TFAP2E: variants seen among roughly 807,000 people sequenced by gnomAD.
TFAP2E encodes transcription factor AP-2-epsilon.
Under a neutral mutation model 37.9 loss-of-function variants are expected in TFAP2E, and 30 were observed. The ratio of observed to expected loss-of-function variants is 0.79; its 90% confidence interval spans 0.59 to 1.07. The LOEUF (loss-of-function observed/expected upper bound fraction) is 1.07. Among genes scored for constraint, TFAP2E ranks in the 50% least tolerant of loss-of-function variants. The probability of loss-of-function intolerance (pLI) is 0.00; values close to 1 mark genes in which losing one functional copy is unlikely to be tolerated. For synonymous variants in TFAP2E, 318 were observed against 295.8 expected (o/e 1.08, Z -0.77); for missense variants, 567 against 637.9 (o/e 0.89, Z 1.20).
intron 6 of TFAP2E, among the ~76,000 whole-genome samples, chr1:35,592,713 C>T (rs1395702089): frequency 6.6e-6 from 1 of 152,180 alleles, no homozygotes; most frequent in Non-Finnish European, 1.5e-5. Flanking sequence ...ATTTATTTCT[C>T]ATAGTGCTGG....
intron 3 of TFAP2E, among the ~76,000 whole-genome samples, chr1:35,580,691 C>G (rs566175971): frequency 2.0e-5 from 3 of 151,956 alleles, no homozygotes; most frequent in Non-Finnish European, 2.9e-5. Flanking sequence ...AGGAGAATGG[C>G]GTGAACCCGG....
chr1:35,574,222 G>A lies in TFAP2E; in HGVS notation c.323G>A (p.Arg108His). 2 of 1,241,206 alleles carry A rather than the reference G, an allele frequency of 1.6e-6. No individual in the cohort carries two copies. The highest frequency in any genetic ancestry group is 2.0e-5 in the South Asian group (1 of 50,636). 76.9% of individuals were successfully genotyped at this position (1,241,206 alleles called of 1,614,324 possible). A position where few individuals can be genotyped will look rare whatever the true frequency, so the allele number is the denominator to read the frequency against. Residue 108 changes from arginine to histidine, a missense_variant, in exon 2 of 7, where the codon CGC becomes CAC. Around this residue, in one of 3 missense-constraint regions of TFAP2E, gnomAD observed 312 missense variants for 317.4 expected, o/e 0.98. Transcript: ENST00000373235. ...AAWAAPRAAA[R>H]AHEEPPGLLA... ...TGGGCCGCGCCCCGCGCAGCCGCCC[G>A]CGCCCACGAGGAGCCTCCCGGCCTG...
At position 35,595,088 on chromosome 1, in the gene TFAP2E, G is replaced by A. The variant is rs552766867; in HGVS notation, c.*412G>A. 4.2e-6 allele frequency: 1 copy of A among 237,554 alleles called. No individual in the cohort carries two copies. The highest frequency in any genetic ancestry group is 1.5e-4 in the East Asian group (1 of 6,822). The allele number at this position is 237,554 out of a possible 1,614,324, so 14.7% of individuals were successfully genotyped here. ...TTGATAAATCAGAGGTGCTACTGAG[G>A]AGTTGGTGCCCCTCATTCCAGAATC... On this transcript the variant is annotated 3_prime_UTR_variant, in exon 7 of 7. Transcript: ENST00000373235.
At chr1:35,587,562 C>T (rs566383329) in intron 3 of TFAP2E, among the ~76,000 whole-genome samples, 7 of 140,430 alleles carry the variant, frequency 5.0e-5, no homozygotes, top group African/African-American at 1.9e-4. Context: ...CGCTTGAACC[C>T]GGGAGGCAGA....
rs771907283 is a variant in TFAP2E, at chr1:35,592,476, C to CA, written c.1046+1703dup. On this transcript the variant is annotated intron_variant, in intron 6 of 6. Coordinates refer to ENST00000373235, the MANE Select transcript of TFAP2E (RefSeq NM_178548.4). Reference sequence around the variant, plus strand: ...GCAGTGGTGCAATCTCAGTGCACTGCAACCTCCAGCTCCTGGGTTCAAGCA... The same window carrying CA: ...GCAGTGGTGCAATCTCAGTGCACTGCAAACCTCCAGCTCCTGGGTTCAAGCA... Among the ~76,000 whole-genome samples, 76 of 152,256 alleles carry CA rather than the reference C, an allele frequency of 5.0e-4. 1 individual carries two copies. The highest frequency in any genetic ancestry group is 8.7e-4 in the Non-Finnish European group (59 of 68,022).
intron 3 of TFAP2E, among the ~76,000 whole-genome samples, chr1:35,587,901 G>A (rs1649530706): frequency 6.6e-6 from 1 of 152,122 alleles, no homozygotes; most frequent in South Asian, 2.1e-4. Context: ...GGTGAGGTGG[G>A]GTGGGAGGGC....
chr1:35,574,194 G>C lies in TFAP2E; in HGVS notation c.295G>C (p.Ala99Pro). Reference protein sequence around the residue: ...PLAQPQPPQAAWAAPRAAARA... With the variant: ...PLAQPQPPQAPWAAPRAAARA... Reference sequence around the variant, plus strand: ...GGCGCAGCCGCAGCCTCCTCAGGCCGCCTGGGCCGCGCCCCGCGCAGCCGC... The same window carrying C: ...GGCGCAGCCGCAGCCTCCTCAGGCCCCCTGGGCCGCGCCCCGCGCAGCCGC... The change falls in exon 2 of 7, where the codon GCC becomes CCC. Residue 99 changes from alanine (A) to proline (P), a missense_variant. By Grantham distance (27) the Ala-to-Pro change is conservative (BLOSUM62 -1). Transcript: ENST00000373235. 7.5e-7 allele frequency: 1 copy of C among 1,333,020 alleles called. No homozygotes were observed. The highest frequency in any genetic ancestry group is 9.6e-7 in the Non-Finnish European group (1 of 1,043,128). 82.6% of individuals were successfully genotyped at this position (1,333,020 alleles called of 1,614,324 possible).
chr1:35,576,370 C>A (rs1016397107), intron 3 of TFAP2E, among the ~76,000 whole-genome samples: 4 of 152,102 alleles, frequency 2.6e-5, no homozygotes, highest in Non-Finnish European at 5.9e-5. Context: ...ACACTAGGAA[C>A]CTGGTTGCAG....
intron 3 of TFAP2E, among the ~76,000 whole-genome samples, chr1:35,581,357 A>T (rs1437579665): frequency 6.6e-6 from 1 of 152,186 alleles, no homozygotes; most frequent in Non-Finnish European, 1.5e-5. Flanking sequence ...TAATGTTGCT[A>T]TGAACATTCA....
chr1:35,590,691 C>A lies in TFAP2E; in HGVS notation c.962C>A (p.Ala321Asp). Residue 321 changes from alanine (A) to aspartate (D), a missense_variant, in exon 6 of 7, where the codon GCC becomes GAC. Ala to Asp is a moderately radical substitution (Grantham distance 126). This residue lies in a region of TFAP2E where 252 missense variants were observed against 302.6 expected (regional missense o/e 0.83). Coordinates refer to ENST00000373235, the MANE Select transcript of TFAP2E (RefSeq NM_178548.4). This position sits in a 1 kb window ranked among gnomAD's most constrained non-coding sequence, Gnocchi z 6.2. ...TACGTCTGTGAGACGGAGTTCCCAG[C>A]CAAGGCAGCTGCCGAGTACCTGTGC... The part of the protein sequence containing the change: ...FGYVCETEFP[A>D]KAAAEYLCRQ... The A allele has an allele frequency of 6.4e-7, 1 of 1,557,132 alleles. No individual in the cohort carries two copies. Among genetic ancestry groups the A allele is most frequent in the Non-Finnish European group, 8.8e-7 (1 of 1,142,260 alleles).
intron 3 of TFAP2E, among the ~76,000 whole-genome samples, chr1:35,584,527 T>C (rs1393559608): frequency 6.6e-6 from 1 of 152,042 alleles, no homozygotes; most frequent in African/African-American, 2.4e-5. Flanking sequence ...TTTTTATTTT[T>C]AATTTATCAA....
rs539218262 is a variant in TFAP2E, at chr1:35,583,359, G to T, written c.563-4971G>T. ...GGGTTTTCCCATGTTGTCCAGGCTG[G>T]TCTCAAACTCCTGACCTCAAATGAT... On this transcript the variant is annotated intron_variant, in intron 3 of 6. Coordinates refer to ENST00000373235, the MANE Select transcript of TFAP2E (RefSeq NM_178548.4). Among the ~76,000 whole-genome samples, 3 of 152,026 alleles carry T rather than the reference G, an allele frequency of 2.0e-5. No individual in the cohort carries two copies. In the South Asian group the frequency reaches 6.2e-4, roughly 32 times the overall value.
chr1:35,573,733 G>C lies in TFAP2E; in HGVS notation c.27+129G>C, dbSNP rs1649079126. 2 of 1,434,334 alleles carry C rather than the reference G, an allele frequency of 1.4e-6. No individual in the cohort carries two copies. The highest frequency in any genetic ancestry group is 1.8e-6 in the Non-Finnish European group (2 of 1,083,502). The allele number at this position is 1,434,334 out of a possible 1,614,324, so 88.9% of individuals were successfully genotyped here. A position where few individuals can be genotyped will look rare whatever the true frequency, so the allele number is the denominator to read the frequency against. On this transcript the variant is annotated intron_variant, in intron 1 of 6. Coordinates refer to ENST00000373235, the MANE Select transcript of TFAP2E (RefSeq NM_178548.4). This position sits in a 1 kb window ranked among gnomAD's most constrained non-coding sequence, Gnocchi z 5.9. The stretch of plus-strand genomic sequence containing the variant: ...GGGGGCCGCAGGGACTTCGCCAGCT[G>C]AGAACGCGATGCGCAAGTGACCGCT...
Position 35,590,173 on chromosome 1 carries a change from ATC to A in TFAP2E, c.904+127_904+128del. ...TGTGTATCCGTGTAAGTGTTGCAGTATCTGTGTGCGTATTCTCTGTCATGTAT... is the reference window on the plus strand; with the variant it reads ...TGTGTATCCGTGTAAGTGTTGCAGTATGTGTGCGTATTCTCTGTCATGTAT... On this transcript the variant is annotated intron_variant, in intron 5 of 6. Transcript: ENST00000373235. This position sits in a 1 kb window ranked among gnomAD's most constrained non-coding sequence, Gnocchi z 6.2. 8.1e-6 allele frequency: 7 copies of A among 868,888 alleles called. No homozygotes were observed. Among genetic ancestry groups the A allele is most frequent in the Middle Eastern group, 2.8e-4 (1 of 3,630 alleles). The allele number at this position is 868,888 out of a possible 1,614,324, so 53.8% of individuals were successfully genotyped here.
intron 6 of TFAP2E, 59 bp from the exon 7 acceptor site, chr1:35,594,335 G>C: frequency 6.3e-7 from 1 of 1,583,160 alleles, no homozygotes; most frequent in Non-Finnish European, 8.5e-7. Context: ...GCATGTAGCA[G>C]GTCCTTCTCT....
chr1:35,573,893 G>A lies in TFAP2E; in HGVS notation c.28-34G>A, dbSNP rs748087588. On this transcript the variant is annotated intron_variant, in intron 1 of 6. Coordinates refer to ENST00000373235, the MANE Select transcript of TFAP2E (RefSeq NM_178548.4). This position sits in a 1 kb window ranked among gnomAD's most constrained non-coding sequence, Gnocchi z 5.9. ...CAGGCTGGGGTCCTTTCAGCTGCCA[G>A]TGGGTCACCTAAGGCACCCCTCTCC... The A allele has an allele frequency of 3.5e-6, 5 of 1,440,128 alleles. No individual in the cohort carries two copies. The highest frequency in any genetic ancestry group is 4.5e-6 in the Non-Finnish European group (5 of 1,108,608). 89.2% of individuals were successfully genotyped at this position (1,440,128 alleles called of 1,614,324 possible).
At position 35,588,388 on chromosome 1, in the gene TFAP2E, G is replaced by T; in HGVS notation, c.621G>T (p.Leu207=). ...CCCTCTCCTTGGCCAAAGACAGCCT[G>T]GTGGGCGGCATCACAAATCCTGGTG... The part of the protein sequence containing the change: ...LSALSLAKDS[L]VGGITNPGEV... Residue 207 remains leucine (L), a synonymous_variant, in exon 4 of 7, where the codon CTG becomes CTT. Coordinates refer to ENST00000373235, the MANE Select transcript of TFAP2E (RefSeq NM_178548.4). This position sits in a 1 kb window ranked among gnomAD's most constrained non-coding sequence, Gnocchi z 5.1. 6.2e-7 allele frequency: 1 copy of T among 1,613,514 alleles called. No homozygotes were observed. The highest frequency in any genetic ancestry group is 8.5e-7 in the Non-Finnish European group (1 of 1,179,986).
intron 6 of TFAP2E, among the ~76,000 whole-genome samples, chr1:35,591,615 T>C (rs1401522313): frequency 6.6e-6 from 1 of 152,232 alleles, no homozygotes; most frequent in Admixed American, 6.5e-5. Context: ...TCCCGCTGCA[T>C]TGATTTTCAA....
chr1:35,578,938 C>T (rs1649263315), intron 3 of TFAP2E, among the ~76,000 whole-genome samples: 1 of 150,252 alleles, frequency 6.7e-6, no homozygotes. Context: ...CAAAAATTAG[C>T]CCAGTGTGGT....
Sources: gnomAD v4.1 joint callset for allele counts (sites outside exome capture counted in the v4.1 genomes callset) on GRCh38, gnomAD v4.1.1 for gene constraint, gnomAD v4.1.1 regional missense constraint, Gnocchi (gnomAD v3.1) non-coding constraint, MANE v1.5 for transcripts, NCBI Gene and HGNC (gene_info 2026-07-23, HGNC 2026-07-21) for gene names.